The following ALKBH5 variants were observed in gnomAD, a reference collection of about 807,000 sequenced individuals.
ALKBH5 encodes the protein alkB homolog 5, RNA demethylase, also known as RNA demethylase ALKBH5.
ALKBH5 carries 2 observed loss-of-function variants against 32.1 expected under a neutral mutation model. The ratio of observed to expected loss-of-function variants is 0.06; its 90% CI spans 0.03 to 0.20. The LOEUF (loss-of-function observed/expected upper bound fraction) is 0.20, where lower values mean the gene tolerates loss of function less well. Among genes scored for constraint, ALKBH5 ranks in the 10% least tolerant of loss-of-function variants. ALKBH5 has a pLI of 1.00. For missense variants in ALKBH5, 352 were observed against 559.5 expected (o/e 0.63, Z 3.74); for synonymous variants, 300 against 231.7 (o/e 1.29, Z -2.68).
In ALKBH5 at chr17:18,184,168, C is replaced by A; in HGVS notation, c.-76C>A. Reference sequence around the variant, plus strand: ...AGGACCCCCCTCCCTCCGGGGGCCCCGGGGCGCGTCCCCTTAGAGCCATGC... The same window carrying A: ...AGGACCCCCCTCCCTCCGGGGGCCCAGGGGCGCGTCCCCTTAGAGCCATGC... On this transcript the variant is annotated 5_prime_UTR_variant, in exon 1 of 4. Transcript: ENST00000399138. 2 of 1,325,902 alleles carry A rather than the reference C, an allele frequency of 1.5e-6. No homozygotes were observed. Among genetic ancestry groups the A allele is most frequent in the East Asian group, 2.8e-5 (1 of 36,076 alleles). 82.1% of individuals were successfully genotyped at this position (1,325,902 alleles called of 1,614,324 possible). A position where few individuals can be genotyped will look rare whatever the true frequency, so the allele number is the denominator to read the frequency against.
chr17:18,193,757 A>G (rs1416192704), intron 1 of ALKBH5, among the ~76,000 whole-genome samples: 9 of 152,132 alleles, frequency 5.9e-5, no homozygotes, highest in Non-Finnish European at 1.3e-4. Context: ...TGTTTTTAAT[A>G]GTTAAGTTTG....
Position 18,184,252 on chromosome 17 carries a change from C to T in ALKBH5, c.9C>T (p.Ala3=), listed in dbSNP as rs1465582512. ...GCAGCGTCGTGGGGGCCATGGCGGC[C>T]GCCAGCGGCTACACGGACCTGCGTG... MA[A]ASGYTDLREK... is the part of the protein sequence containing the mutation. The change falls in exon 1 of 4, where the codon GCC becomes GCT. Residue 3 remains alanine (A), a synonymous_variant. Transcript: ENST00000399138. The T allele has an allele frequency of 1.3e-6, 2 of 1,516,798 alleles. No homozygotes were observed. Among genetic ancestry groups the T allele is most frequent in the Non-Finnish European group, 8.8e-7 (1 of 1,137,414 alleles). 94.0% of individuals were successfully genotyped at this position (1,516,798 alleles called of 1,614,324 possible).
chr17:18,197,069 T>C (rs1015005124), intron 2 of ALKBH5, among the ~76,000 whole-genome samples: 1 of 152,228 alleles, frequency 6.6e-6, no homozygotes, highest in African/African-American at 2.4e-5. Flanking sequence ...GTGAAGTCTC[T>C]TTGGTATGGC....
intron 1 of ALKBH5, among the ~76,000 whole-genome samples, chr17:18,188,370 C>T (rs561804025): frequency 6.6e-6 from 1 of 152,242 alleles, no homozygotes; most frequent in East Asian, 1.9e-4. Flanking sequence ...ACTGTATCAC[C>T]CAGGCACGGG....
Position 18,206,986 on chromosome 17 carries a change from C to CT in ALKBH5, c.1007+16_1007+17insT, listed in dbSNP as rs2047272735. On this transcript the variant is annotated intron_variant, in intron 3 of 3. Coordinates refer to ENST00000399138, the MANE Select transcript of ALKBH5 (RefSeq NM_017758.4). ...CTGCCCACAGGTACTCAGTTTAGGACCCTCAGCAAAGGCTGGCAAAGGCCT... is the reference window on the plus strand; with the variant it reads ...CTGCCCACAGGTACTCAGTTTAGGACTCCTCAGCAAAGGCTGGCAAAGGCCT... 1 of 1,610,620 alleles carries CT rather than the reference C, an allele frequency of 6.2e-7. No homozygotes were observed. Among genetic ancestry groups the CT allele is most frequent in the East Asian group, 2.2e-5 (1 of 44,766 alleles).
chr17:18,190,542 C>CT (rs954515233), intron 1 of ALKBH5, among the ~76,000 whole-genome samples: 8 of 131,236 alleles, frequency 6.1e-5, no homozygotes, highest in East Asian at 2.3e-4. Flanking sequence ...GAGTGGGACT[C>CT]TGTTTCCGAA....
intron 1 of ALKBH5, 139 bp from the exon 2 acceptor site, chr17:18,194,816 A>G: frequency 1.6e-6 from 1 of 645,086 alleles, no homozygotes; most frequent in East Asian, 2.9e-5. Flanking sequence ...ATTCCCTTCC[A>G]TGTAGATCCT....
At chr17:18,205,725 C>T (rs182902001) in intron 2 of ALKBH5, among the ~76,000 whole-genome samples, 1 of 152,312 alleles carries the variant, frequency 6.6e-6, no homozygotes, top group East Asian at 1.9e-4. Context: ...GGACCAGATG[C>T]AGTTGTTACC....
In ALKBH5 at chr17:18,208,113, C is replaced by T. The variant is rs989273808; in HGVS notation, c.1008-106C>T. 4.8e-6 allele frequency: 6 copies of T among 1,238,572 alleles called. No homozygotes were observed. In the African/African-American group the frequency reaches 6.1e-5, roughly 13 times the overall value. 76.7% of individuals were successfully genotyped at this position (1,238,572 alleles called of 1,614,324 possible). ...GCCAGGACTACCCTTCGTTGAGGACCACTGAGCTGAAGTGACCCATCCCAA... is the reference window on the plus strand; with the variant it reads ...GCCAGGACTACCCTTCGTTGAGGACTACTGAGCTGAAGTGACCCATCCCAA... On this transcript the variant is annotated intron_variant, in intron 3 of 3. Transcript: ENST00000399138.
At chr17:18,188,926 G>A (rs923232217) in intron 1 of ALKBH5, among the ~76,000 whole-genome samples, 1 of 152,050 alleles carries the variant, frequency 6.6e-6, no homozygotes, top group Non-Finnish European at 1.5e-5. Flanking sequence ...AACTAGCCGG[G>A]CATGGTAGTG....
In ALKBH5 at chr17:18,206,916, C is replaced by A. The variant is rs1012911005; in HGVS notation, c.953C>A (p.Pro318His). 1 of 1,614,268 alleles carries A rather than the reference C, an allele frequency of 6.2e-7. No homozygotes were observed. ...SDRLSGNNRD[P>H]ALKPKRSHRK... ...CGCCTGTCAGGAAACAACAGGGACCCTGCTCTGAAACCCAAGCGGTCCCAC... is the reference window on the plus strand; with the variant it reads ...CGCCTGTCAGGAAACAACAGGGACCATGCTCTGAAACCCAAGCGGTCCCAC... Residue 318 changes from proline to histidine, a missense_variant, in exon 3 of 4, where the codon CCT (proline) becomes CAT (histidine). This residue lies in a region of ALKBH5 where 124 missense variants were observed against 142.4 expected (regional missense o/e 0.87). Coordinates refer to ENST00000399138, the MANE Select transcript of ALKBH5 (RefSeq NM_017758.4).
Position 18,184,708 on chromosome 17 carries a change from C to G in ALKBH5, c.465C>G (p.Leu155=). ...LQKRGPGQER[L]YPPGDVDEIP... is the part of the protein sequence containing the mutation. ...AGCGCGGGCCCGGCCAGGAGCGCCT[C>G]TACCCGCCGGGCGACGTGGACGAGA... Residue 155 remains leucine, a synonymous_variant, in exon 1 of 4, where the codon CTC becomes CTG. Transcript: ENST00000399138. 1 of 1,613,254 alleles carries G rather than the reference C, an allele frequency of 6.2e-7. No homozygotes were observed. Among genetic ancestry groups the G allele is most frequent in the Non-Finnish European group, 8.5e-7 (1 of 1,179,834 alleles).
intron 2 of ALKBH5, among the ~76,000 whole-genome samples, chr17:18,205,309 T>C (rs1363351185): frequency 1.3e-5 from 2 of 152,164 alleles, no homozygotes; most frequent in African/African-American, 4.8e-5. Flanking sequence ...CTCCTGTTGA[T>C]GTTAGGTTCT....
At chr17:18,207,657 C>T (rs1457005421) in intron 3 of ALKBH5, among the ~76,000 whole-genome samples, 6 of 143,220 alleles carry the variant, frequency 4.2e-5, no homozygotes, top group Non-Finnish European at 7.5e-5. Flanking sequence ...AGCAAGAATC[C>T]GTCTCAAAAA....
At chr17:18,186,312 A>G (rs896361536) in intron 1 of ALKBH5, among the ~76,000 whole-genome samples, 1 of 152,196 alleles carries the variant, frequency 6.6e-6, no homozygotes, top group African/African-American at 2.4e-5. Context: ...TGGCGCTCCT[A>G]GATGGATGTC....
At chr17:18,191,626 A>G (rs576842653) in intron 1 of ALKBH5, among the ~76,000 whole-genome samples, 11 of 152,262 alleles carry the variant, frequency 7.2e-5, no homozygotes, top group East Asian at 3.9e-4. Context: ...ACACTTGTCA[A>G]TGGCAGGGAA....
Position 18,184,135 on chromosome 17 carries a change from C to A in ALKBH5, c.-109C>A. The A allele has an allele frequency of 1.0e-6, 1 of 1,004,812 alleles. No individual in the cohort carries two copies. The highest frequency in any genetic ancestry group is 1.4e-6 in the Non-Finnish European group (1 of 690,504). The allele number at this position is 1,004,812 out of a possible 1,614,324, so 62.2% of individuals were successfully genotyped here. The stretch of plus-strand genomic sequence containing the variant: ...GGTCCCCCACTCACGCATGGGGGTT[C>A]GGCGCTAAGGACCCCCCTCCCTCCG... On this transcript the variant is annotated 5_prime_UTR_variant, in exon 1 of 4. Coordinates refer to ENST00000399138, the MANE Select transcript of ALKBH5 (RefSeq NM_017758.4).
chr17:18,207,073 C>A, intron 3 of ALKBH5, 103 bp downstream of exon 3: 1 of 1,450,978 alleles, frequency 6.9e-7, no homozygotes, highest in African/African-American at 1.4e-5. Context: ...TTGGCTTGCT[C>A]ACCCTTTCAA....
intron 3 of ALKBH5, among the ~76,000 whole-genome samples, chr17:18,207,879 TG>T (rs1462495714): frequency 6.6e-6 from 1 of 151,640 alleles, no homozygotes; most frequent in Non-Finnish European, 1.5e-5. Flanking sequence ...AGAGAGAAAG[TG>T]GGTAGAGCTG....
Sources: allele counts gnomAD v4.1 joint callset (sites outside exome capture counted in the v4.1 genomes callset), GRCh38; gene constraint gnomAD v4.1.1; regional missense constraint gnomAD v4.1.1; transcripts MANE v1.5; gene names NCBI Gene and HGNC (gene_info 2026-07-23, HGNC 2026-07-21).